The following DTNA variants were observed in gnomAD, a reference collection of about 807,000 sequenced individuals.
The protein encoded by DTNA is dystrophin-related protein 3.
A neutral mutation model predicts 100.7 loss-of-function variants in DTNA; 43 were observed. The ratio of observed to expected loss-of-function variants is 0.43; its 90% confidence interval spans 0.33 to 0.55. The LOEUF is 0.55. DTNA is among the 20% of genes least tolerant of loss of function. The pLI is 0.04. For missense variants in DTNA, 798 were observed against 953.9 expected, an observed-to-expected ratio of 0.84 and a Z score of 2.15; for synonymous variants, 349 against 347.9, an observed-to-expected ratio of 1.00 and a Z score of -0.04.
intron 13 of DTNA, among the ~76,000 whole-genome samples, chr18:34,846,782 G>A (rs760101478): frequency 6.6e-6 from 1 of 152,132 alleles, no homozygotes; most frequent in Non-Finnish European, 1.5e-5. Context: ...TCTCACTTCA[G>A]AACAAAGGTT....
rs968339147 is a variant in DTNA at position 34,640,688 on chromosome 18, C to G, written c.-1-115288C>G. ...CTTTAACCAACTGCCTAGAATGTCT[C>G]CCATGATTTGAACCTAAGCCCAGCT... On this transcript the variant is annotated intron_variant, in intron 1 of 19. Coordinates refer to the DTNA transcript ENST00000283365. Among the ~76,000 whole-genome samples, 3 of 152,198 alleles carry G rather than the reference C, an allele frequency of 2.0e-5. No individual in the cohort carries two copies. In the East Asian group the frequency reaches 5.8e-4, roughly 29 times the overall value.
At chr18:34,767,870 A>G (rs73946175) in intron 3 of DTNA, among the ~76,000 whole-genome samples, 17,604 of 152,234 alleles carry the variant, frequency 0.12, 1,089 homozygotes, top group African/African-American at 0.17. Flanking sequence ...CACACATCAT[A>G]TATGTGTTTT....
intron 6 of DTNA, among the ~76,000 whole-genome samples, chr18:34,813,945 G>A (rs375363337): frequency 8.7e-4 from 132 of 151,872 alleles, no homozygotes; most frequent in African/African-American, 2.9e-3. Flanking sequence ...TAAATGTATG[G>A]CTCCTTTTAT....
intron 13 of DTNA, among the ~76,000 whole-genome samples, chr18:34,845,771 AAGAC>A (rs1189784139): frequency 6.6e-6 from 1 of 152,204 alleles, no homozygotes; most frequent in Non-Finnish European, 1.5e-5. Context: ...TTATTTTATA[AAGAC>A]AGACATCTGC....
intron 1 of DTNA, among the ~76,000 whole-genome samples, chr18:34,669,842 C>G (rs145180450): frequency 0.026 from 3,972 of 152,314 alleles, 69 homozygotes; most frequent in Middle Eastern, 0.048. Context: ...TGACCTTTCT[C>G]TCTGGCTGCC....
intron 1 of DTNA, among the ~76,000 whole-genome samples, chr18:34,704,085 A>G (rs924399905): frequency 1.3e-5 from 2 of 151,914 alleles, no homozygotes; most frequent in African/African-American, 4.8e-5. Flanking sequence ...TTCTTTTTTT[A>G]TCATAATGTC....
chr18:34,564,042 T>C (rs2046870639), intron 1 of DTNA, among the ~76,000 whole-genome samples: 1 of 152,164 alleles, frequency 6.6e-6, no homozygotes, highest in Non-Finnish European at 1.5e-5. Flanking sequence ...ACATTATTAT[T>C]AACTACAGTC....
chr18:34,551,094 T>C (rs536904658), intron 1 of DTNA, among the ~76,000 whole-genome samples: 3 of 152,318 alleles, frequency 2.0e-5, no homozygotes, highest in African/African-American at 7.2e-5. Context: ...ACTATTTTTG[T>C]CATCACTATG....
intron 4 of DTNA, among the ~76,000 whole-genome samples, chr18:34,802,136 T>A (rs2095237141): frequency 6.6e-6 from 1 of 152,250 alleles, no homozygotes; most frequent in Non-Finnish European, 1.5e-5. Flanking sequence ...GTATACAGAC[T>A]TTTTCTGTGC....
chr18:34,828,881 A>T (rs1345015477), intron 10 of DTNA, among the ~76,000 whole-genome samples: 1 of 152,150 alleles, frequency 6.6e-6, no homozygotes, highest in African/African-American at 2.4e-5. Context: ...TGAAATCATA[A>T]ACTGTAAAAT....
intron 1 of DTNA, among the ~76,000 whole-genome samples, chr18:34,544,233 T>C (rs1319584505): frequency 6.6e-6 from 1 of 152,104 alleles, no homozygotes; most frequent in Non-Finnish European, 1.5e-5. Context: ...AACACTACTC[T>C]CCAGTATGTC....
At chr18:34,582,684 T>C (rs1278482336) in intron 1 of DTNA, among the ~76,000 whole-genome samples, 2 of 152,202 alleles carry the variant, frequency 1.3e-5, no homozygotes, top group Admixed American at 1.3e-4. Flanking sequence ...ACTCTTACAG[T>C]TGGATAAATA....
At chr18:34,735,295 C>T (rs1246490479) in intron 1 of DTNA, among the ~76,000 whole-genome samples, 3 of 152,158 alleles carry the variant, frequency 2.0e-5, no homozygotes, top group Non-Finnish European at 4.4e-5. Context: ...AAGAGTGGAT[C>T]TGCCTTCCCC....
In DTNA at chr18:34,591,600, T is replaced by A. The variant is rs79210584; in HGVS notation, c.-2+98086T>A. On this transcript the variant is annotated intron_variant, in intron 1 of 19. Transcript: ENST00000283365. ...GGAAGGCGTGTTTTTGACAGAGGGA[T>A]AAAGAAACACAGTGACAGAAATGTG... is the stretch of plus-strand genomic sequence containing the variant. Among the ~76,000 whole-genome samples the A allele has an allele frequency of 7.9e-3, 1,196 of 152,322 alleles. 12 individuals are homozygous for A. The highest frequency in any genetic ancestry group is 0.027 in the Middle Eastern group (8 of 294).
chr18:34,584,205 G>A (rs919164443), intron 1 of DTNA, among the ~76,000 whole-genome samples: 7 of 152,006 alleles, frequency 4.6e-5, no homozygotes, highest in Non-Finnish European at 1.5e-5. Flanking sequence ...TTTGTCTAAT[G>A]GTTTTATGGT....
In DTNA at chr18:34,885,657, G is replaced by A. The variant is rs564910670; in HGVS notation, c.*31+881G>A. On this transcript the variant is annotated intron_variant, in intron 22 of 22. Transcript: ENST00000444659. ...ATTATGTATCACCACAGAAGAGGCC[G>A]GTATTAAAAACCATATCCTACTCAC... 1.7e-4 allele frequency among the ~76,000 whole-genome samples: 26 copies of A among 152,264 alleles called. No individual in the cohort carries two copies. The South Asian group carries it at 3.5e-3, about 21-fold the overall frequency.
intron 6 of DTNA, among the ~76,000 whole-genome samples, chr18:34,813,970 A>G (rs1272293105): frequency 6.6e-6 from 1 of 150,958 alleles, no homozygotes; most frequent in African/African-American, 2.4e-5. Flanking sequence ...ACAGTGCTTT[A>G]TGCCTCACAA....
intron 17 of DTNA, among the ~76,000 whole-genome samples, chr18:34,864,375 C>T (rs886643446): frequency 6.6e-6 from 1 of 151,940 alleles, no homozygotes; most frequent in African/African-American, 2.4e-5. Flanking sequence ...CTCAGCCCCC[C>T]GCCGAGTAGC....
Position 34,864,666 on chromosome 18 carries a change from A to G in DTNA, c.1743+604A>G, listed in dbSNP as rs371872525. 3.9e-5 allele frequency among the ~76,000 whole-genome samples: 6 copies of G among 152,326 alleles called. No homozygotes were observed. The East Asian group carries it at 7.7e-4, about 20-fold the overall frequency. On this transcript the variant is annotated intron_variant, in intron 17 of 22. Coordinates refer to ENST00000444659, the MANE Select transcript of DTNA (RefSeq NM_001386795.1). ...GTCTGCAAGTAATAAAACTGGATTT[A>G]TTTAGAAATATTTTATATTTAGTAG...
Sources: gnomAD v4.1 joint callset for allele counts (sites outside exome capture counted in the v4.1 genomes callset) on GRCh38, gnomAD v4.1.1 for gene constraint, MANE v1.5 for transcripts, NCBI Gene and HGNC (gene_info 2026-07-23, HGNC 2026-07-21) for gene names.